MAP4K4: variants seen among roughly 807,000 people sequenced by gnomAD.
The protein encoded by MAP4K4 is HPK/GCK-like kinase HGK.
A neutral mutation model predicts 189.6 loss-of-function variants in MAP4K4; 38 were observed. The ratio of observed to expected loss-of-function variants is 0.20; its 90% confidence interval spans 0.15 to 0.26. The LOEUF (loss-of-function observed/expected upper bound fraction) is 0.26, where lower values mean the gene tolerates loss of function less well. MAP4K4 is among the 10% of genes least tolerant of loss of function. The probability of loss-of-function intolerance (pLI) is 1.00; values close to 1 mark genes in which losing one functional copy is unlikely to be tolerated. For synonymous variants in MAP4K4, 610 were observed against 624.3 expected (o/e 0.98, Z 0.34); for missense variants, 1,054 against 1,726.9 (o/e 0.61, Z 6.91).
intron 28 of MAP4K4, among the ~76,000 whole-genome samples, chr2:101,884,172 C>T (rs1414088193): frequency 6.6e-6 from 1 of 151,970 alleles, no homozygotes; most frequent in South Asian, 2.1e-4. Flanking sequence ...ATCATTCATT[C>T]GTTGTCATTA....
chr2:101,767,095 A>T (rs2078949067), intron 2 of MAP4K4, among the ~76,000 whole-genome samples: 1 of 152,210 alleles, frequency 6.6e-6, no homozygotes, highest in Admixed American at 6.5e-5. Context: ...GTGAAGTTAC[A>T]AAGTTATACC....
At chr2:101,785,951 G>C (rs1402309859) in intron 2 of MAP4K4, among the ~76,000 whole-genome samples, 9 of 151,886 alleles carry the variant, frequency 5.9e-5, no homozygotes, top group Admixed American at 5.9e-4. Context: ...CAGCCTCCCC[G>C]AGTAGCTGGG....
intron 2 of MAP4K4, among the ~76,000 whole-genome samples, chr2:101,787,709 C>T (rs1253159853): frequency 6.6e-6 from 1 of 152,034 alleles, no homozygotes; most frequent in Non-Finnish European, 1.5e-5. Context: ...GTTTTTCTCC[C>T]AAGACTATTT....
intron 9 of MAP4K4, among the ~76,000 whole-genome samples, chr2:101,839,355 A>G (rs2096854466): frequency 6.6e-6 from 1 of 152,240 alleles, no homozygotes; most frequent in East Asian, 1.9e-4. Context: ...TGAAATGTCA[A>G]ATTAACAGGT....
intron 2 of MAP4K4, among the ~76,000 whole-genome samples, chr2:101,783,669 A>G (rs1163153292): frequency 1.3e-5 from 2 of 152,196 alleles, no homozygotes; most frequent in African/African-American, 4.8e-5. Flanking sequence ...TCTTAAATCC[A>G]AAATATTAAC....
intron 29 of MAP4K4, among the ~76,000 whole-genome samples, chr2:101,886,452 A>T (rs1046656823): frequency 6.6e-6 from 1 of 152,170 alleles, no homozygotes; most frequent in Non-Finnish European, 1.5e-5. Flanking sequence ...CTCTCGCTCT[A>T]CTGTGCATTT....
chr2:101,741,576 C>T (rs1344983211), intron 2 of MAP4K4, among the ~76,000 whole-genome samples: 2 of 152,126 alleles, frequency 1.3e-5, no homozygotes, highest in African/African-American at 4.8e-5. Flanking sequence ...CCCACCCCCG[C>T]TCCAGCCCCC....
At chr2:101,809,283 A>G (rs2149117166) in intron 3 of MAP4K4, among the ~76,000 whole-genome samples, 1 of 152,018 alleles carries the variant, frequency 6.6e-6, no homozygotes, top group East Asian at 1.9e-4. Flanking sequence ...ATTGTAAATT[A>G]CTGAAGAACA....
chr2:101,784,938 C>G (rs568000674), intron 2 of MAP4K4, among the ~76,000 whole-genome samples: 3 of 152,196 alleles, frequency 2.0e-5, no homozygotes, highest in East Asian at 3.9e-4. Context: ...ATGATACTTG[C>G]ATTGTGTGGG....
At chr2:101,724,206 T>C (rs904273028) in intron 2 of MAP4K4, among the ~76,000 whole-genome samples, 1 of 152,182 alleles carries the variant, frequency 6.6e-6, no homozygotes, top group Non-Finnish European at 1.5e-5. Flanking sequence ...CAGTGTGCAA[T>C]GTCCTGTGCA....
intron 5 of MAP4K4, among the ~76,000 whole-genome samples, chr2:101,826,208 T>G (rs1260147367): frequency 6.6e-6 from 1 of 152,186 alleles, no homozygotes; most frequent in Non-Finnish European, 1.5e-5. Flanking sequence ...ATTCTTAGGC[T>G]TCCCCCACTA....
At chr2:101,769,246 A>G (rs1323707070) in intron 2 of MAP4K4, among the ~76,000 whole-genome samples, 1 of 152,202 alleles carries the variant, frequency 6.6e-6, no homozygotes, top group East Asian at 1.9e-4. Context: ...TTAAATAAAA[A>G]GGTAGAATGA....
chr2:101,847,344 A>G (rs1455674635), intron 12 of MAP4K4, among the ~76,000 whole-genome samples: 1 of 152,230 alleles, frequency 6.6e-6, no homozygotes, highest in African/African-American at 2.4e-5. Context: ...TTAAAAACCA[A>G]GTTAACTGCA....
At chr2:101,816,323 A>G (rs949621440) in intron 3 of MAP4K4, among the ~76,000 whole-genome samples, 32 of 152,334 alleles carry the variant, frequency 2.1e-4, no homozygotes, top group Non-Finnish European at 4.1e-4. Context: ...TTTGTCAAAT[A>G]TGTAAGCACG....
rs561692415 is a variant in MAP4K4, at chr2:101,787,375, T to A, written c.124-3345T>A. Among the ~76,000 whole-genome samples, 307 of 152,364 alleles carry A rather than the reference T, an allele frequency of 2.0e-3. 1 individual carries two copies. The highest frequency in any genetic ancestry group is 5.0e-3 in the South Asian group (24 of 4,826). On this transcript the variant is annotated intron_variant, in intron 2 of 32. Transcript: ENST00000324219. ...TTCCTGTGTCCTTAAGTTCCCAGCA[T>A]AATGCAGTCCATTTATAGTTACGTG...
At chr2:101,861,735 A>T (rs1178331035) in intron 16 of MAP4K4, 2 of 152,186 alleles carry the variant, frequency 1.3e-5, no homozygotes, top group Non-Finnish European at 2.9e-5. Flanking sequence ...GATCTTAGAG[A>T]TCCTTAAAAT....
chr2:101,893,449 T>C, exon 33 of MAP4K4: 1 of 344,810 alleles, frequency 2.9e-6, no homozygotes, highest in Non-Finnish European at 5.7e-6. Context: ...CACAGGACTT[T>C]AGTTAGAATT....
chr2:101,877,500 G>A (rs1488102557), intron 27 of MAP4K4, among the ~76,000 whole-genome samples: 2 of 144,528 alleles, frequency 1.4e-5, no homozygotes, highest in African/African-American at 2.6e-5. Flanking sequence ...TTTTTGAGAC[G>A]GAGTCTTGCT....
At chr2:101,837,099 C>CTT (rs76757886) in intron 9 of MAP4K4, among the ~76,000 whole-genome samples, 92 of 133,230 alleles carry the variant, frequency 6.9e-4, no homozygotes, top group African/African-American at 2.1e-3. Context: ...TACTATATGG[C>CTT]TTTTTTTTTT....
Sources: gnomAD v4.1 joint callset for allele counts (sites outside exome capture counted in the v4.1 genomes callset) on GRCh38, gnomAD v4.1.1 for gene constraint, MANE v1.5 for transcripts, NCBI Gene and HGNC (gene_info 2026-07-23, HGNC 2026-07-21) for gene names.